CCDC170: variants seen among roughly 807,000 people sequenced by gnomAD.
The protein encoded by CCDC170 is coiled-coil domain containing 170, also known as coiled-coil domain-containing protein 170.
A neutral mutation model predicts 72.6 loss-of-function variants in CCDC170; 69 were observed. That is an observed-to-expected ratio of 0.95 (90% confidence interval 0.78 to 1.16). The LOEUF (loss-of-function observed/expected upper bound fraction) is 1.16, where lower values mean the gene tolerates loss of function less well. Ranked by LOEUF, CCDC170 falls within the 50% of genes most tolerant of loss-of-function variation. CCDC170 has a pLI of 0.00. For missense variants in CCDC170, 852 were observed against 832.5 expected (o/e 1.02, Z -0.29); for synonymous variants, 300 against 303.9 (o/e 0.99, Z 0.13).
chr6:151,560,343 T>G (rs551992271), intron 5 of CCDC170, among the ~76,000 whole-genome samples: 18 of 152,316 alleles, frequency 1.2e-4, no homozygotes, highest in African/African-American at 3.6e-4. Context: ...TGATTTAGTT[T>G]CTTTTTAAAT....
At chr6:151,518,635 A>G (rs1338373727) in intron 1 of CCDC170, among the ~76,000 whole-genome samples, 1 of 152,230 alleles carries the variant, frequency 6.6e-6, no homozygotes, top group East Asian at 1.9e-4. Flanking sequence ...AACAAGGGGT[A>G]TATGTATCAG....
chr6:151,597,189 A>G (rs558771500), intron 9 of CCDC170, among the ~76,000 whole-genome samples: 2 of 151,906 alleles, frequency 1.3e-5, no homozygotes, highest in East Asian at 1.9e-4. Context: ...CAGTGGCATG[A>G]TCTTGACTCA....
intron 8 of CCDC170, 112 bp from the exon 9 acceptor site, chr6:151,596,223 T>G (rs1349150051): frequency 7.9e-7 from 1 of 1,273,044 alleles, no homozygotes; most frequent in African/African-American, 1.5e-5. Context: ...TTTGATGGTT[T>G]ACAAATTACT....
rs956350443 is a variant in CCDC170, at chr6:151,615,364, T to G, written c.1711-79T>G. ...AAAAAGGGTATGAAGTGAATTCCAT[T>G]GACTTCTGATTTGTCATGTTTATAC... On this transcript the variant is annotated intron_variant, in intron 9 of 10. Coordinates refer to ENST00000239374, the MANE Select transcript of CCDC170 (RefSeq NM_025059.4). 4.4e-5 allele frequency: 44 copies of G among 989,796 alleles called. No individual in the cohort carries two copies. The Admixed American group carries it at 8.6e-4, about 19-fold the overall frequency. 61.3% of individuals were successfully genotyped at this position (989,796 alleles called of 1,614,324 possible). A position where few individuals can be genotyped will look rare whatever the true frequency, so the allele number is the denominator to read the frequency against.
In CCDC170 at chr6:151,589,250, C is replaced by T. The variant is rs4870046; in HGVS notation, c.1293+3161C>T. Among the ~76,000 whole-genome samples, 910 of 125,422 alleles carry T rather than the reference C, an allele frequency of 7.3e-3. 22 individuals carry two copies. The highest frequency in any genetic ancestry group is 0.04 in the Admixed American group (483 of 12,200). The allele number at this position is 125,422 out of a possible 152,430, so 82.3% of individuals were successfully genotyped here. On this transcript the variant is annotated intron_variant, in intron 7 of 10. Coordinates refer to ENST00000239374, the MANE Select transcript of CCDC170 (RefSeq NM_025059.4). ...AGCCTGGGTGACAGAGACTCCCTCT[C>T]AAAACAAACAAACAAACAAACAAAC... is the stretch of plus-strand genomic sequence containing the variant.
intron 7 of CCDC170, among the ~76,000 whole-genome samples, chr6:151,588,980 G>A (rs1214545499): frequency 6.6e-6 from 1 of 151,796 alleles, no homozygotes; most frequent in East Asian, 1.9e-4. Flanking sequence ...CAGGCCAGAT[G>A]TGGTGGCTCA....
At chr6:151,538,944 C>T (rs1476371718) in intron 3 of CCDC170, among the ~76,000 whole-genome samples, 1 of 152,036 alleles carries the variant, frequency 6.6e-6, no homozygotes, top group Non-Finnish European at 1.5e-5. Flanking sequence ...TCTCTACTTC[C>T]ACTTACAGCA....
At chr6:151,587,691 A>G (rs1486829396) in intron 7 of CCDC170, among the ~76,000 whole-genome samples, 1 of 152,238 alleles carries the variant, frequency 6.6e-6, no homozygotes, top group Non-Finnish European at 1.5e-5. Context: ...AGCAGATGAG[A>G]CAGGGAGATC....
intron 1 of CCDC170, among the ~76,000 whole-genome samples, chr6:151,528,597 G>A (rs1438444696): frequency 1.3e-5 from 2 of 152,174 alleles, no homozygotes; most frequent in Non-Finnish European, 2.9e-5. Context: ...TGTAATCCCA[G>A]CACTTTGGGA....
intron 6 of CCDC170, among the ~76,000 whole-genome samples, chr6:151,577,830 A>G (rs963126902): frequency 6.6e-6 from 1 of 152,244 alleles, no homozygotes; most frequent in Non-Finnish European, 1.5e-5. Context: ...CGAACTGTGC[A>G]TGCGAGGGAT....
intron 3 of CCDC170, 46 bp downstream of exon 3, chr6:151,538,347 A>T: frequency 6.6e-7 from 1 of 1,524,672 alleles, no homozygotes; most frequent in Non-Finnish European, 9.0e-7. Flanking sequence ...GCATTAAAAT[A>T]CTAGCTTCTG....
intron 5 of CCDC170, among the ~76,000 whole-genome samples, chr6:151,571,306 AT>A (rs1219280873): frequency 2.4e-5 from 3 of 126,418 alleles, no homozygotes; most frequent in Non-Finnish European, 4.8e-5. Flanking sequence ...TACCTCTAAC[AT>A]ACTATTTTTA....
rs1465201473 is a variant in CCDC170 at position 151,582,917 on chromosome 6, T to G, written c.1093-2972T>G. 2.0e-5 allele frequency among the ~76,000 whole-genome samples: 3 copies of G among 151,130 alleles called. No individual in the cohort carries two copies. The East Asian group carries it at 5.8e-4, about 29-fold the overall frequency. ...CTAGGCCCACCTCCAACTGTGAGGA[T>G]CAAATTTTAACATGCGATTTAGAGA... On this transcript the variant is annotated intron_variant, in intron 6 of 10. Transcript: ENST00000239374.
intron 1 of CCDC170, among the ~76,000 whole-genome samples, chr6:151,535,768 G>GTC (rs796952051): frequency 1.3e-5 from 2 of 151,616 alleles, no homozygotes; most frequent in African/African-American, 4.8e-5. Flanking sequence ...TTTAGAGGCA[G>GTC]TCTCTCTCTC....
At position 151,559,306 on chromosome 6, in the gene CCDC170, C is replaced by T. The variant is rs368193825; in HGVS notation, c.774+10817C>T. Among the ~76,000 whole-genome samples, 8 of 152,226 alleles carry T rather than the reference C, an allele frequency of 5.3e-5. No homozygotes were observed. In the South Asian group the frequency reaches 1.5e-3, roughly 28 times the overall value. On this transcript the variant is annotated intron_variant, in intron 5 of 10. Transcript: ENST00000239374. ...AGATTACAGGCATAAGCCACTGTGC[C>T]CAGCCAACAACATTAATTATTCTGA...
intron 7 of CCDC170, among the ~76,000 whole-genome samples, chr6:151,589,032 T>C (rs1219211486): frequency 1.3e-5 from 2 of 151,964 alleles, no homozygotes; most frequent in Non-Finnish European, 2.9e-5. Context: ...GGTGGGTGGA[T>C]CACTTGAGGT....
intron 5 of CCDC170, among the ~76,000 whole-genome samples, chr6:151,551,656 C>T (rs9397424): frequency 0.16 from 24,062 of 152,032 alleles, 2,395 homozygotes; most frequent in East Asian, 0.5. Context: ...AGCCTCCTCT[C>T]GGGAGGCCCA....
At chr6:151,616,182 A>G (rs1776964852) in intron 10 of CCDC170, among the ~76,000 whole-genome samples, 1 of 152,196 alleles carries the variant, frequency 6.6e-6, no homozygotes, top group Non-Finnish European at 1.5e-5. Context: ...CTTTGGCCTC[A>G]GGAGGGAAGC....
At chr6:151,499,111 C>G (rs374366981) in intron 1 of CCDC170, among the ~76,000 whole-genome samples, 1 of 119,680 alleles carries the variant, frequency 8.4e-6, no homozygotes, top group Non-Finnish European at 1.7e-5. Flanking sequence ...TCTAGGCATG[C>G]TGTATAAGTG....
Sources: gnomAD v4.1 joint callset for allele counts (sites outside exome capture counted in the v4.1 genomes callset) on GRCh38, gnomAD v4.1.1 for gene constraint, MANE v1.5 for transcripts, NCBI Gene and HGNC (gene_info 2026-07-23, HGNC 2026-07-21) for gene names.